The following CHD4 variants were observed in gnomAD, a reference collection of about 807,000 sequenced individuals.
The protein encoded by CHD4 is ATP-dependent chromatin remodeler CHD4.
Under a neutral mutation model 235.5 loss-of-function variants are expected in CHD4, and 35 were observed. The observed-to-expected ratio is 0.15, with a 90% confidence interval of 0.11 to 0.20. The LOEUF (loss-of-function observed/expected upper bound fraction) is 0.20, where lower values mean the gene tolerates loss of function less well. Ranked by LOEUF, CHD4 falls within the 10% of genes least tolerant of loss-of-function variation. CHD4 has a pLI of 1.00. For synonymous variants in CHD4, 900 were observed against 850.2 expected (o/e 1.06, Z -1.02); for missense variants, 1,329 against 2,432.3 (o/e 0.55, Z 9.54).
At chr12:6,588,270 A>AT in intron 23 of CHD4, 28 bp downstream of exon 23, 1 of 1,611,122 alleles carries the variant, frequency 6.2e-7, no homozygotes. Flanking sequence ...CATGTTACTT[A>AT]TTAAGGCTGC....
At chr12:6,601,610 G>A (rs749365432) in intron 5 of CHD4, 38 bp downstream of exon 5, 1 of 1,613,198 alleles carries the variant, frequency 6.2e-7, no homozygotes. Context: ...AGAACAGAAA[G>A]ATTCTCCTCC....
In CHD4 at chr12:6,602,502, A is replaced by G; in HGVS notation, c.101-5T>C. 3 of 1,610,994 alleles carry G rather than the reference A, an allele frequency of 1.9e-6. No homozygotes were observed. The highest frequency in any genetic ancestry group is 2.5e-6 in the Non-Finnish European group (3 of 1,179,348). ...CTTCTGGGTCCTCTTCATTTTCTAC[A>G]TATATTTGGCAAAGAGTGGTAGGCA... On this transcript the variant is annotated splice_region_variant and splice_polypyrimidine_tract_variant and intron_variant, in intron 2 of 39. Coordinates refer to ENST00000544040, the MANE Select transcript of CHD4 (RefSeq NM_001273.5).
At chr12:6,600,060 C>A (rs756431809) in intron 9 of CHD4, 48 bp from the exon 10 acceptor site, 1 of 1,599,878 alleles carries the variant, frequency 6.3e-7, no homozygotes, top group East Asian at 2.2e-5. Flanking sequence ...ACCCGCCCAC[C>A]GCAGTCTGAA....
At chr12:6,597,481 G>A (rs148235976) in intron 12 of CHD4, among the ~76,000 whole-genome samples, 87 of 150,846 alleles carry the variant, frequency 5.8e-4, no homozygotes, top group African/African-American at 2.1e-3. Context: ...AAATATATAA[G>A]GCTGAGCGTG....
At chr12:6,589,498 G>A (rs911730257) in intron 22 of CHD4, among the ~76,000 whole-genome samples, 9 of 152,154 alleles carry the variant, frequency 5.9e-5, no homozygotes, top group African/African-American at 1.7e-4. Context: ...ACTGGGCGTG[G>A]TGGCTCACGC....
At chr12:6,591,169 A>T in intron 22 of CHD4, 1 of 186,916 alleles carries the variant, frequency 5.3e-6, no homozygotes, top group East Asian at 1.3e-4. Context: ...GCGTCTACTG[A>T]GGCAGACAAG....
intron 33 of CHD4, chr12:6,579,554 A>G (rs1310296659): frequency 6.6e-6 from 1 of 151,022 alleles, no homozygotes; most frequent in Non-Finnish European, 1.5e-5. Context: ...ACTGCACTGC[A>G]CATCAGCCTG....
intron 12 of CHD4, among the ~76,000 whole-genome samples, chr12:6,597,318 G>A (rs1276630966): frequency 2.6e-5 from 4 of 150,986 alleles, no homozygotes; most frequent in Non-Finnish European, 4.4e-5. Context: ...ATAACATGAA[G>A]TGTCAGGCGC....
chr12:6,587,282 T>C, intron 25 of CHD4, 102 bp downstream of exon 25: 1 of 1,139,422 alleles, frequency 8.8e-7, no homozygotes, highest in South Asian at 1.5e-5. Context: ...ACATAAGAAT[T>C]TGCCTACAGA....
intron 2 of CHD4, among the ~76,000 whole-genome samples, chr12:6,603,396 C>G (rs373584981): frequency 8.4e-4 from 128 of 152,270 alleles, no homozygotes; most frequent in African/African-American, 3.0e-3. Context: ...CACCCCCGCC[C>G]AAAGGGGGGT....
chr12:6,602,950 CA>C (rs1420038269), intron 2 of CHD4: 2 of 155,744 alleles, frequency 1.3e-5, no homozygotes, highest in African/African-American at 4.8e-5. Context: ...AGGATCAGTT[CA>C]GGGGTCTCGG....
chr12:6,584,485 G>C (rs765476033), intron 25 of CHD4: 7 of 151,914 alleles, frequency 4.6e-5, no homozygotes, highest in African/African-American at 1.7e-4. Context: ...CTGCAGCCTC[G>C]ACTGCCAAGT....
intron 2 of CHD4, among the ~76,000 whole-genome samples, chr12:6,605,484 C>G (rs1217782245): frequency 6.6e-6 from 1 of 152,044 alleles, no homozygotes; most frequent in Non-Finnish European, 1.5e-5. Context: ...ATGAAGCCAC[C>G]CCAAAACACA....
Position 6,593,052 on chromosome 12 carries a change from C to A in CHD4, c.2652+39G>T. The A allele has an allele frequency of 3.1e-6, 5 of 1,607,968 alleles. No individual in the cohort carries two copies. The highest frequency in any genetic ancestry group is 4.2e-6 in the Non-Finnish European group (5 of 1,177,956). On this transcript the variant is annotated intron_variant, in intron 17 of 39. Transcript: ENST00000544040. This position sits in a 1 kb window ranked among gnomAD's most constrained non-coding sequence, Gnocchi z 4.9. The stretch of plus-strand genomic sequence containing the variant: ...ATGAATTGGTAGTACTAGAAAAAAC[C>A]CAAAGTGGGGGCTCCAACATCCCTC...
intron 32 of CHD4, 38 bp from the exon 33 acceptor site, chr12:6,581,211 G>A (rs1276135469): frequency 6.2e-7 from 1 of 1,611,984 alleles, no homozygotes; most frequent in South Asian, 1.1e-5. Context: ...AACAGATGAA[G>A]CAGACAGGCC....
chr12:6,591,215 C>A, intron 22 of CHD4: 1 of 384,682 alleles, frequency 2.6e-6, no homozygotes, highest in Non-Finnish European at 4.7e-6. Context: ...TTGAACAAGT[C>A]CTGACCCTTT....
rs527656253 is a variant in CHD4 at position 6,598,627 on chromosome 12, G to A, written c.1483-202C>T. Among the ~76,000 whole-genome samples the A allele has an allele frequency of 2.0e-5, 3 of 152,234 alleles. No homozygotes were observed. In the East Asian group the frequency reaches 5.8e-4, roughly 29 times the overall value. On this transcript the variant is annotated intron_variant, in intron 10 of 39. Coordinates refer to ENST00000544040, the MANE Select transcript of CHD4 (RefSeq NM_001273.5). Reference sequence around the variant, plus strand: ...AGATCGAGACCATCCTAGCTAACATGGTGAAACCCCGTCTCTACTAAAAAT... The same window carrying A: ...AGATCGAGACCATCCTAGCTAACATAGTGAAACCCCGTCTCTACTAAAAAT...
chr12:6,575,002 T>C (rs1433534924), intron 37 of CHD4, among the ~76,000 whole-genome samples: 3 of 152,188 alleles, frequency 2.0e-5, no homozygotes, highest in African/African-American at 7.2e-5. Context: ...TTATACAAAA[T>C]TCAAATTGTA....
intron 3 of CHD4, 34 bp downstream of exon 3, chr12:6,602,342 T>C (rs1948611489): frequency 6.2e-7 from 1 of 1,611,138 alleles, no homozygotes; most frequent in East Asian, 2.2e-5. Context: ...CCCTTCTTCC[T>C]CTGATTCCCC....
Sources: gnomAD v4.1 joint callset for allele counts (sites outside exome capture counted in the v4.1 genomes callset) on GRCh38, gnomAD v4.1.1 for gene constraint, Gnocchi (gnomAD v3.1) non-coding constraint, MANE v1.5 for transcripts, NCBI Gene and HGNC (gene_info 2026-07-23, HGNC 2026-07-21) for gene names.